Variants in PIEZO2 observed in about 807,000 individuals in gnomAD.
The protein encoded by PIEZO2 is piezo type mechanosensitive ion channel component 2, also known as piezo-type mechanosensitive ion channel component 2.
In PIEZO2, 172 loss-of-function variants were observed where a neutral mutation model predicts 337.3. The observed-to-expected ratio is 0.51, with a 90% CI of 0.45 to 0.58. The LOEUF (loss-of-function observed/expected upper bound fraction) is 0.58. PIEZO2 is among the 20% of genes least tolerant of loss of function. PIEZO2 has a pLI of 0.00. For synonymous variants in PIEZO2, 1,251 were observed against 1,228.5 expected (o/e 1.02, Z -0.38); for missense variants, 3,028 against 3,391.3 (o/e 0.89, Z 2.66).
Position 10,773,401 on chromosome 18 carries a change from G to A in PIEZO2, c.2785+11C>T. 2 of 1,536,920 alleles carry A rather than the reference G, an allele frequency of 1.3e-6. No individual in the cohort carries two copies. Among genetic ancestry groups the A allele is most frequent in the Non-Finnish European group, 1.7e-6 (2 of 1,146,646 alleles). On this transcript the variant is annotated intron_variant, in intron 20 of 55. Transcript: ENST00000674853. The surrounding 1 kb of genome is among the most constrained non-coding windows in gnomAD (Gnocchi z 5.3). ...CGTTCTCTGACCAGCTGCTGGTAGT[G>A]GGCTGATTACCTGATGTTTCTTCCT...
intron 7 of PIEZO2, among the ~76,000 whole-genome samples, chr18:10,825,550 C>CTTTTTTTTTTTTTTTTTTTTTTTTTTTTT (rs57159292): frequency 1.8e-5 from 2 of 113,862 alleles, no homozygotes; most frequent in African/African-American, 3.6e-5. Context: ...TCCTTTCTTC[C>CTTTTTTTTTTTTTTTTTTTTTTTTTTTTT]TTTTTTTTTT....
rs200193149 is a variant in PIEZO2 at position 10,902,336 on chromosome 18, T to C, written c.329+8850A>G. On this transcript the variant is annotated intron_variant, in intron 4 of 55. Coordinates refer to ENST00000674853, the MANE Select transcript of PIEZO2 (RefSeq NM_001378183.1). ...TGACCGAAGTTTAACTCATTGCCCA[T>C]CTGCTTCCAAGGAATTGACAGAGGG... 3.8e-4 allele frequency among the ~76,000 whole-genome samples: 58 copies of C among 152,300 alleles called. No homozygotes were observed. The East Asian group carries it at 9.3e-3, about 24-fold the overall frequency.
chr18:10,681,963 T>C, intron 50 of PIEZO2, 141 bp downstream of exon 50: 1 of 912,030 alleles, frequency 1.1e-6, no homozygotes, highest in Non-Finnish European at 1.6e-6. Context: ...CTGCACCTTA[T>C]TCATACATCA....
At chr18:10,826,129 C>T (rs1001356788) in intron 7 of PIEZO2, among the ~76,000 whole-genome samples, 2 of 152,150 alleles carry the variant, frequency 1.3e-5, no homozygotes, top group Non-Finnish European at 2.9e-5. Flanking sequence ...GCCATTTCTC[C>T]AAGGAGCCCT....
intron 3 of PIEZO2, among the ~76,000 whole-genome samples, chr18:10,919,591 C>T (rs1407809781): frequency 6.6e-6 from 1 of 152,128 alleles, no homozygotes; most frequent in Admixed American, 6.6e-5. Flanking sequence ...GGTCTGTTCA[C>T]AAACATCCAT....
intron 1 of PIEZO2, among the ~76,000 whole-genome samples, chr18:11,090,840 G>C (rs980013324): frequency 1.3e-5 from 2 of 150,056 alleles, no homozygotes; most frequent in South Asian, 4.2e-4. Flanking sequence ...GTGAACCCGG[G>C]GGGGCAAAGC....
At chr18:11,068,806 C>A (rs1044949097) in intron 1 of PIEZO2, among the ~76,000 whole-genome samples, 2 of 151,728 alleles carry the variant, frequency 1.3e-5, no homozygotes, top group South Asian at 4.2e-4. Context: ...ACAGAAGATG[C>A]AAAAAATTAA....
Position 10,748,534 on chromosome 18 carries a change from A to C in PIEZO2, c.4361T>G (p.Phe1454Cys). Residue 1454 changes from phenylalanine to cysteine, a missense_variant, in exon 30 of 56, where the codon TTC (phenylalanine) becomes TGC (cysteine). This residue lies in a region of PIEZO2 where 1,925 missense variants were observed against 2,051.9 expected (regional missense o/e 0.94). Transcript: ENST00000674853. The surrounding 1 kb of genome is among the most constrained non-coding windows in gnomAD (Gnocchi z 5.1). ...AACATGTAGAAAATAATAACTCATG[A>C]AAACTCTTCTTTGCAGCAGGAGGAA... Reference protein sequence around the residue: ...FAFLLLQRRVFMSYYFLHVVA... With the variant: ...FAFLLLQRRVCMSYYFLHVVA... The C allele has an allele frequency of 6.5e-7, 1 of 1,536,796 alleles. No individual in the cohort carries two copies. Among genetic ancestry groups the C allele is most frequent in the African/African-American group, 1.4e-5 (1 of 73,130 alleles).
chr18:11,116,590 C>T lies in PIEZO2; in HGVS notation c.64+31935G>A, dbSNP rs2039895333. Among the ~76,000 whole-genome samples, 1 of 152,054 alleles carries T rather than the reference C, an allele frequency of 6.6e-6. No homozygotes were observed. The highest frequency in any genetic ancestry group is 1.5e-5 in the Non-Finnish European group (1 of 68,020). ...ATTAGCCGGGCGTGGTGGCGGGGGG[C>T]CTGTAGTCCCAGCTACTCGGGAGGC... On this transcript the variant is annotated intron_variant, in intron 1 of 55. Transcript: ENST00000674853. The surrounding 1 kb of genome is among the most constrained non-coding windows in gnomAD (Gnocchi z 5.0).
rs983703989 is a variant in PIEZO2, at chr18:10,671,074, G to A, written c.*453C>T. On this transcript the variant is annotated 3_prime_UTR_variant, in exon 56 of 56. Coordinates refer to ENST00000674853, the MANE Select transcript of PIEZO2 (RefSeq NM_001378183.1). ...CCCCTATTGCTGTTGCATTTTCTGA[G>A]TGTGTTGAAGGCTCATCTAGTCTCA... The A allele has an allele frequency of 1.3e-5, 2 of 153,520 alleles. No individual in the cohort carries two copies. The highest frequency in any genetic ancestry group is 4.8e-5 in the African/African-American group (2 of 41,442). The allele number at this position is 153,520 out of a possible 1,614,324, so 9.5% of individuals were successfully genotyped here.
rs371333642 is a variant in PIEZO2 at position 10,903,534 on chromosome 18, G to GT, written c.329+7651dup. Reference sequence around the variant, plus strand: ...AAATAAAAAAAATTAGCTGGGCATAGTGGCGCGCTCCTGTAGTCCCAGCTA... The same window carrying GT: ...AAATAAAAAAAATTAGCTGGGCATAGTTGGCGCGCTCCTGTAGTCCCAGCTA... On this transcript the variant is annotated intron_variant, in intron 4 of 55. Coordinates refer to ENST00000674853, the MANE Select transcript of PIEZO2 (RefSeq NM_001378183.1). This position sits in a 1 kb window ranked among gnomAD's most constrained non-coding sequence, Gnocchi z 4.1. Among the ~76,000 whole-genome samples the GT allele has an allele frequency of 2.6e-5, 4 of 152,216 alleles. No individual in the cohort carries two copies. Among genetic ancestry groups the GT allele is most frequent in the African/African-American group, 9.6e-5 (4 of 41,532 alleles).
chr18:11,046,925 G>C (rs533933471), intron 2 of PIEZO2, among the ~76,000 whole-genome samples: 1 of 152,306 alleles, frequency 6.6e-6, no homozygotes, highest in South Asian at 2.1e-4. Context: ...ATTGTGTATT[G>C]CTCCAAAACT....
chr18:10,738,009 A>G (rs1412124180), intron 33 of PIEZO2: 1 of 152,214 alleles, frequency 6.6e-6, no homozygotes, highest in Non-Finnish European at 1.5e-5. Context: ...GAAGATACAC[A>G]GTGGGTGAAT....
rs1331740423 is a variant in PIEZO2 at position 10,850,431 on chromosome 18, C to G, written c.917+4922G>C. On this transcript the variant is annotated intron_variant, in intron 7 of 55. Transcript: ENST00000674853. The surrounding 1 kb of genome is among the most constrained non-coding windows in gnomAD (Gnocchi z 4.5). ...CATCCTCCAGCAGAAGCAAGCACCC[C>G]CACAGCCCTGCAAAGGCTCTTTCAC... 4.6e-5 allele frequency among the ~76,000 whole-genome samples: 7 copies of G among 152,190 alleles called. No individual in the cohort carries two copies. The highest frequency in any genetic ancestry group is 8.8e-5 in the Non-Finnish European group (6 of 68,042).
intron 49 of PIEZO2, among the ~76,000 whole-genome samples, chr18:10,685,808 G>C (rs971863045): frequency 6.6e-6 from 1 of 152,164 alleles, no homozygotes; most frequent in African/African-American, 2.4e-5. Flanking sequence ...TACCTAAAGG[G>C]CCTTGTCTTC....
In PIEZO2 at chr18:11,078,078, AAAAC is replaced by A. The variant is rs763743151; in HGVS notation, c.65-11860_65-11857del. ...CACACACACACACACCACACACACA[AAAAC>A]AAACATACACACACACAAACACATA... On this transcript the variant is annotated intron_variant, in intron 1 of 55. Transcript: ENST00000674853. This position sits in a 1 kb window ranked among gnomAD's most constrained non-coding sequence, Gnocchi z 5.3. 1.6e-3 allele frequency among the ~76,000 whole-genome samples: 244 copies of A among 149,938 alleles called. 1 individual carries two copies. Among genetic ancestry groups the A allele is most frequent in the African/African-American group, 4.2e-3 (170 of 40,690 alleles).
rs765210433 is a variant in PIEZO2 at position 10,715,835 on chromosome 18, A to G, written c.5090-19T>C. The G allele has an allele frequency of 4.7e-6, 7 of 1,496,532 alleles. No individual in the cohort carries two copies. The highest frequency in any genetic ancestry group is 6.3e-6 in the Non-Finnish European group (7 of 1,118,824). 92.7% of individuals were successfully genotyped at this position (1,496,532 alleles called of 1,614,324 possible). A position where few individuals can be genotyped will look rare whatever the true frequency, so the allele number is the denominator to read the frequency against. On this transcript the variant is annotated intron_variant, in intron 37 of 55. Transcript: ENST00000674853. ...ATATTATCTAGGAGGAAGAAAGGCAACAAGATGTTAAAGGAACAAAATACC... is the reference window on the plus strand; with the variant it reads ...ATATTATCTAGGAGGAAGAAAGGCAGCAAGATGTTAAAGGAACAAAATACC...
In PIEZO2 at chr18:10,795,281, T is replaced by C. The variant is rs1029353377; in HGVS notation, c.1528-279A>G. On this transcript the variant is annotated intron_variant, in intron 12 of 55. Coordinates refer to ENST00000674853, the MANE Select transcript of PIEZO2 (RefSeq NM_001378183.1). This position sits in a 1 kb window ranked among gnomAD's most constrained non-coding sequence, Gnocchi z 4.4. ...GGATTGTGTTGTTTTTACAATAGAC[T>C]TTTTTCAGTTAAGTAGCAAAATGTG... Among the ~76,000 whole-genome samples, 1 of 152,074 alleles carries C rather than the reference T, an allele frequency of 6.6e-6. No individual in the cohort carries two copies. Among genetic ancestry groups the C allele is most frequent in the Non-Finnish European group, 1.5e-5 (1 of 68,010 alleles).
intron 1 of PIEZO2, among the ~76,000 whole-genome samples, chr18:11,066,600 C>T (rs1356762416): frequency 6.6e-6 from 1 of 152,080 alleles, no homozygotes; most frequent in East Asian, 1.9e-4. Context: ...AAAGTGCAGA[C>T]TTTTTGTTTT....
Sources: gnomAD v4.1 joint callset for allele counts (sites outside exome capture counted in the v4.1 genomes callset) on GRCh38, gnomAD v4.1.1 for gene constraint, gnomAD v4.1.1 regional missense constraint, Gnocchi (gnomAD v3.1) non-coding constraint, MANE v1.5 for transcripts, NCBI Gene and HGNC (gene_info 2026-07-23, HGNC 2026-07-21) for gene names.